WWOX: variants seen among roughly 807,000 people sequenced by gnomAD.
WWOX encodes the protein WW domain-containing oxidoreductase.
A neutral mutation model predicts 46.2 loss-of-function variants in WWOX; 69 were observed. The ratio of observed to expected loss-of-function variants is 1.49; its 90% confidence interval spans 1.23 to 1.82. The LOEUF is 1.82. WWOX is among the 40% of genes most tolerant of loss of function. The pLI is 0.00. For missense variants in WWOX, 919 were observed against 542.6 expected (o/e 1.69, Z -6.89); for synonymous variants, 359 against 202.6 (o/e 1.77, Z -6.56).
chr16:78,846,415 C>T (rs1475553543), intron 8 of WWOX, among the ~76,000 whole-genome samples: 1 of 152,076 alleles, frequency 6.6e-6, no homozygotes, highest in Non-Finnish European at 1.5e-5. Flanking sequence ...TGGTCTGGGA[C>T]AGTTTCTCAT....
intron 8 of WWOX, chr16:78,890,285 T>C (rs962588675): frequency 1.4e-5 from 2 of 147,360 alleles, no homozygotes; most frequent in Non-Finnish European, 2.9e-5. Context: ...AAAAGCCCCA[T>C]TTTCATATTC....
intron 4 of WWOX, among the ~76,000 whole-genome samples, chr16:78,124,596 A>AT (rs1221973702): frequency 6.6e-6 from 1 of 152,202 alleles, no homozygotes; most frequent in Non-Finnish European, 1.5e-5. Context: ...TCTTGCCTAA[A>AT]TTTGTGATCT....
At chr16:78,193,195 G>C (rs1435524163) in intron 5 of WWOX, among the ~76,000 whole-genome samples, 2 of 152,238 alleles carry the variant, frequency 1.3e-5, no homozygotes, top group African/African-American at 2.4e-5. Flanking sequence ...AAGACCAACA[G>C]CCAAGACCAA....
At chr16:79,128,864 G>T (rs1158156608) in intron 8 of WWOX, among the ~76,000 whole-genome samples, 1 of 152,144 alleles carries the variant, frequency 6.6e-6, no homozygotes, top group Non-Finnish European at 1.5e-5. Flanking sequence ...TTGTGATTCA[G>T]TTGCCCAAGC....
chr16:78,317,538 CAGAGA>C (rs1335461073), intron 5 of WWOX, among the ~76,000 whole-genome samples: 1 of 152,124 alleles, frequency 6.6e-6, no homozygotes. Context: ...TGGATAATGG[CAGAGA>C]AAAGTACCTT....
chr16:78,235,061 G>C (rs2037391016), intron 5 of WWOX, among the ~76,000 whole-genome samples: 2 of 151,658 alleles, frequency 1.3e-5, no homozygotes, highest in African/African-American at 4.8e-5. Context: ...TTTAAAATGA[G>C]AAAAATACAC....
At chr16:78,625,121 C>A (rs1160109054) in intron 8 of WWOX, among the ~76,000 whole-genome samples, 1 of 152,196 alleles carries the variant, frequency 6.6e-6, no homozygotes, top group African/African-American at 2.4e-5. Flanking sequence ...GGCTGCCATT[C>A]CTAAGCTACT....
chr16:78,967,916 G>A (rs984062808), intron 8 of WWOX, among the ~76,000 whole-genome samples: 2 of 152,176 alleles, frequency 1.3e-5, no homozygotes, highest in African/African-American at 4.8e-5. Context: ...CAGGGAGACA[G>A]GGAGCCTTTC....
intron 5 of WWOX, among the ~76,000 whole-genome samples, chr16:78,319,441 T>C (rs1023752983): frequency 1.3e-5 from 2 of 152,034 alleles, no homozygotes; most frequent in Non-Finnish European, 2.9e-5. Flanking sequence ...TTTGTATTTT[T>C]AGTAGAGGTG....
Position 78,688,993 on chromosome 16 carries a change from T to G in WWOX, c.1056+256241T>G, listed in dbSNP as rs369025864. 4.6e-5 allele frequency among the ~76,000 whole-genome samples: 7 copies of G among 152,276 alleles called. No individual in the cohort carries two copies. The South Asian group carries it at 1.2e-3, about 27-fold the overall frequency. The stretch of plus-strand genomic sequence containing the variant: ...TGTTTGCTTTCCCTTCCACCATGAT[T>G]GTAAGTTTCCTGAGACCTCCACAGC... On this transcript the variant is annotated intron_variant, in intron 8 of 8. Coordinates refer to ENST00000566780, the MANE Select transcript of WWOX (RefSeq NM_016373.4).
chr16:78,146,279 G>A (rs2034194643), intron 4 of WWOX, among the ~76,000 whole-genome samples: 1 of 152,136 alleles, frequency 6.6e-6, no homozygotes, highest in African/African-American at 2.4e-5. Context: ...GGGTTCCAAA[G>A]CCTTCACCAA....
chr16:78,743,280 C>T (rs79469952), intron 8 of WWOX, among the ~76,000 whole-genome samples: 7,118 of 152,194 alleles, frequency 0.047, 491 homozygotes, highest in African/African-American at 0.14. Context: ...CTGTGTATCC[C>T]TCAGAGACCA....
At chr16:78,260,298 A>C (rs959622607) in intron 5 of WWOX, among the ~76,000 whole-genome samples, 1 of 151,580 alleles carries the variant, frequency 6.6e-6, no homozygotes, top group Non-Finnish European at 1.5e-5. Context: ...CAACATCACT[A>C]ACAAACAAGT....
chr16:79,151,145 C>T (rs895370750), intron 8 of WWOX, among the ~76,000 whole-genome samples: 1 of 152,146 alleles, frequency 6.6e-6, no homozygotes, highest in Non-Finnish European at 1.5e-5. Flanking sequence ...CAGAAAATTC[C>T]CCTCCTGCTT....
At chr16:79,049,318 A>G (rs1399791228) in intron 8 of WWOX, among the ~76,000 whole-genome samples, 2 of 152,214 alleles carry the variant, frequency 1.3e-5, no homozygotes, top group Admixed American at 6.5e-5. Flanking sequence ...TGCAAGCAGC[A>G]CGTGCCCGCT....
At chr16:78,524,390 T>G (rs1468114601) in intron 8 of WWOX, among the ~76,000 whole-genome samples, 1 of 57,084 alleles carries the variant, frequency 1.8e-5, no homozygotes, top group Non-Finnish European at 4.6e-5. Flanking sequence ...GAGATTTCAT[T>G]TATTTATTTA....
intron 5 of WWOX, among the ~76,000 whole-genome samples, chr16:78,216,467 C>T (rs765675661): frequency 3.9e-5 from 6 of 152,120 alleles, no homozygotes; most frequent in Non-Finnish European, 8.8e-5. Context: ...ACAGGGTTCT[C>T]CTTGGGCTAA....
intron 8 of WWOX, among the ~76,000 whole-genome samples, chr16:78,440,681 A>G (rs374282685): frequency 2.3e-4 from 35 of 151,804 alleles, no homozygotes; most frequent in East Asian, 1.8e-3. Flanking sequence ...TAGTGGCACA[A>G]TCCCGGCTCA....
intron 8 of WWOX, among the ~76,000 whole-genome samples, chr16:78,522,802 T>C (rs2043378099): frequency 6.6e-6 from 1 of 152,340 alleles, no homozygotes; most frequent in African/African-American, 2.4e-5. Context: ...CCAGGCGCAG[T>C]GGCTCACGCC....
Sources: gnomAD v4.1 joint callset for allele counts (sites outside exome capture counted in the v4.1 genomes callset) on GRCh38, gnomAD v4.1.1 for gene constraint, MANE v1.5 for transcripts, NCBI Gene and HGNC (gene_info 2026-07-23, HGNC 2026-07-21) for gene names.